PXN: variants seen among roughly 807,000 people sequenced by gnomAD.
The protein encoded by PXN is paxillin.
A neutral mutation model predicts 103.6 loss-of-function variants in PXN; 61 were observed. The ratio of observed to expected loss-of-function variants is 0.59; its 90% CI spans 0.48 to 0.73. PXN has a LOEUF of 0.73. Among genes scored for constraint, PXN ranks in the 30% least tolerant of loss-of-function variants. The probability of loss-of-function intolerance (pLI) is 0.00; values close to 1 mark genes in which losing one functional copy is unlikely to be tolerated. For missense variants in PXN, 1,274 were observed against 1,460.3 expected (o/e 0.87, Z 2.08); for synonymous variants, 562 against 607.8 (o/e 0.92, Z 1.11).
chr12:120,254,762 G>A (rs934873040), intron 1 of PXN, among the ~76,000 whole-genome samples: 1 of 152,106 alleles, frequency 6.6e-6, no homozygotes, highest in South Asian at 2.1e-4. Context: ...TGTTGGCCAG[G>A]CTGGTCTTGA....
At chr12:120,243,917 C>A (rs576083398) in intron 1 of PXN, among the ~76,000 whole-genome samples, 1 of 152,176 alleles carries the variant, frequency 6.6e-6, no homozygotes, top group East Asian at 1.9e-4. Context: ...CGCCTATATT[C>A]ATCTTCATCT....
At chr12:120,264,698 G>A (rs1480549353) in intron 1 of PXN, among the ~76,000 whole-genome samples, 4 of 152,216 alleles carry the variant, frequency 2.6e-5, no homozygotes, top group Non-Finnish European at 5.9e-5. Context: ...GCCTGACGCA[G>A]AGAGGGTGGA....
chr12:120,264,192 T>A (rs565062265), intron 1 of PXN: 7 of 152,270 alleles, frequency 4.6e-5, no homozygotes, highest in Non-Finnish European at 4.4e-5. Flanking sequence ...GGCACCCTGA[T>A]CCCAAAAGGA....
chr12:120,218,595 C>T (rs1281689327), intron 7 of PXN, among the ~76,000 whole-genome samples: 4 of 152,140 alleles, frequency 2.6e-5, no homozygotes, highest in Non-Finnish European at 5.9e-5. Flanking sequence ...AGGCTGGCCT[C>T]GAACTCCCAA....
At chr12:120,249,813 G>C in intron 1 of PXN, 2 of 967,710 alleles carry the variant, frequency 2.1e-6, no homozygotes, top group Non-Finnish European at 2.5e-6. Context: ...GGACACAGCA[G>C]AAGAGGCCAT....
chr12:120,216,668 G>A lies in PXN; in HGVS notation c.1993-87C>T. 1.9e-6 allele frequency: 3 copies of A among 1,577,554 alleles called. No homozygotes were observed. Among genetic ancestry groups the A allele is most frequent in the Non-Finnish European group, 2.6e-6 (3 of 1,173,590 alleles). On this transcript the variant is annotated intron_variant, in intron 8 of 14. Coordinates refer to ENST00000637617, the MANE Select transcript of PXN (RefSeq NM_001385981.1). The surrounding 1 kb of genome is among the most constrained non-coding windows in gnomAD (Gnocchi z 5.1). ...GGCGGGACCTCCCCAGGCTCCCCCT[G>A]GGCCTTCCCACTCTGCACCAAGAGT...
rs1421617908 is a variant in PXN at position 120,265,652 on chromosome 12, C to G, written c.-23G>C. On this transcript the variant is annotated 5_prime_UTR_variant, in exon 1 of 15. Coordinates refer to ENST00000637617, the MANE Select transcript of PXN (RefSeq NM_001385981.1). This position sits in a 1 kb window ranked among gnomAD's most constrained non-coding sequence, Gnocchi z 5.7. ...CATGGCCGGACCACGGGCGCCGGCT[C>G]AGGGTCGCGCTAGCTGCCCGTCCCG... The G allele has an allele frequency of 2.1e-6, 3 of 1,463,090 alleles. No homozygotes were observed. The highest frequency in any genetic ancestry group is 2.7e-6 in the Non-Finnish European group (3 of 1,111,800). The allele number at this position is 1,463,090 out of a possible 1,614,324, so 90.6% of individuals were successfully genotyped here. A position where few individuals can be genotyped will look rare whatever the true frequency, so the allele number is the denominator to read the frequency against.
Position 120,216,975 on chromosome 12 carries a change from G to A in PXN, c.1858C>T (p.Arg620Trp), listed in dbSNP as rs557835020. Residue 620 changes from arginine (R) to tryptophan (W), a missense_variant, in exon 8 of 15, where the codon CGG becomes TGG. Physicochemically the swap from Arg to Trp is moderately radical, Grantham distance 101. Transcript: ENST00000637617. This position sits in a 1 kb window ranked among gnomAD's most constrained non-coding sequence, Gnocchi z 5.1. ...QEQLIAELQGRLGIQPEAEEP... is the reference protein window; with the variant it reads ...QEQLIAELQGWLGIQPEAEEP... ...TCTGCCTCAGGCTGGATGCCCAGCC[G>A]CCCCTGCAGCTCCGCGATGAGCTGT... 4.4e-5 allele frequency: 68 copies of A among 1,545,498 alleles called. No individual in the cohort carries two copies. Among genetic ancestry groups the A allele is most frequent in the Middle Eastern group, 3.3e-4 (2 of 5,984 alleles).
In PXN at chr12:120,221,696, T is replaced by C. The variant is rs1489538055; in HGVS notation, c.758A>G (p.Gln253Arg). The C allele has an allele frequency of 3.2e-6, 5 of 1,570,348 alleles. No homozygotes were observed. Among genetic ancestry groups the C allele is most frequent in the Non-Finnish European group, 4.3e-6 (5 of 1,158,098 alleles). Residue 253 changes from glutamine (Q) to arginine (R), a missense_variant, in exon 6 of 15, where the codon CAG becomes CGG. This residue lies in a region of PXN where 1,178 missense variants were observed against 1,309.0 expected (regional missense o/e 0.90). Coordinates refer to ENST00000637617, the MANE Select transcript of PXN (RefSeq NM_001385981.1). The surrounding 1 kb of genome is among the most constrained non-coding windows in gnomAD (Gnocchi z 6.6). ...SSPQRVTSTQ[Q>R]QTRISASSAT... Reference sequence around the variant, plus strand: ...AGAGGAGGCCGAGATGCGTGTCTGCTGTTGGGTGGAGGTGACGCGCTGCGG... The same window carrying C: ...AGAGGAGGCCGAGATGCGTGTCTGCCGTTGGGTGGAGGTGACGCGCTGCGG...
rs768480788 is a variant in PXN, at chr12:120,214,797, C to T, written c.2748+28G>A. 1.9e-5 allele frequency: 31 copies of T among 1,611,950 alleles called. No individual in the cohort carries two copies. Among genetic ancestry groups the T allele is most frequent in the South Asian group, 4.4e-5 (4 of 90,994 alleles). On this transcript the variant is annotated intron_variant, in intron 12 of 14. Coordinates refer to ENST00000637617, the MANE Select transcript of PXN (RefSeq NM_001385981.1). The surrounding 1 kb of genome is among the most constrained non-coding windows in gnomAD (Gnocchi z 5.0). ...GCGGTGAAGCTGGAATGAGCGGAAG[C>T]GGGCGCGGTGCCGGATGAGGAACTC...
At chr12:120,227,595 GA>G (rs1887146159) in intron 1 of PXN, among the ~76,000 whole-genome samples, 1 of 152,196 alleles carries the variant, frequency 6.6e-6, no homozygotes, top group African/African-American at 2.4e-5. Context: ...GAGGGACAGA[GA>G]AAAACCCCAG....
intron 1 of PXN, chr12:120,226,429 C>A (rs1886895339): frequency 7.8e-7 from 1 of 1,289,036 alleles, no homozygotes; most frequent in Non-Finnish European, 1.0e-6. Flanking sequence ...TCACATCCCA[C>A]ACTGCCAAGG....
chr12:120,249,950 C>A (rs1247161095), intron 1 of PXN: 8 of 985,358 alleles, frequency 8.1e-6, no homozygotes, highest in Non-Finnish European at 9.6e-6. Context: ...CTGCTTGGGA[C>A]AGAGGACCTT....
At chr12:120,248,561 C>G (rs1891600268) in intron 1 of PXN, among the ~76,000 whole-genome samples, 1 of 151,286 alleles carries the variant, frequency 6.6e-6, no homozygotes, top group South Asian at 2.1e-4. Flanking sequence ...CCCTCTCTTC[C>G]CTCCTCCCCA....
chr12:120,224,157 G>C lies in PXN; in HGVS notation c.234C>G (p.His78Gln), dbSNP rs763464218. 1.3e-6 allele frequency: 2 copies of C among 1,576,508 alleles called. No individual in the cohort carries two copies. Among genetic ancestry groups the C allele is most frequent in the Admixed American group, 3.7e-5 (2 of 54,184 alleles). ...GCCACTGTCCCCGCCTCACCTGCTG[G>C]TGGATGAATCGGGAGCTGCTGGGCT... Reference protein sequence around the residue: ...QWQPSSSRFIHQQPQSSSPVY... With the variant: ...QWQPSSSRFIQQQPQSSSPVY... Residue 78 changes from histidine (H) to glutamine (Q), a missense_variant, in exon 2 of 15, where the codon CAC (histidine) becomes CAG (glutamine). Around this residue, in one of 2 missense-constraint regions of PXN, gnomAD observed 1,178 missense variants for 1,309.0 expected, o/e 0.90. Transcript: ENST00000637617. The surrounding 1 kb of genome is among the most constrained non-coding windows in gnomAD (Gnocchi z 5.0).
chr12:120,245,844 C>T (rs915442342), intron 1 of PXN, among the ~76,000 whole-genome samples: 1 of 137,370 alleles, frequency 7.3e-6, no homozygotes, highest in Non-Finnish European at 1.6e-5. Context: ...TGTGGACAAA[C>T]ATAAAAGGTG....
chr12:120,214,354 A>G lies in PXN; in HGVS notation c.2749-137T>C. 1 of 745,632 alleles carries G rather than the reference A, an allele frequency of 1.3e-6. No homozygotes were observed. The highest frequency in any genetic ancestry group is 2.3e-5 in the Admixed American group (1 of 44,384). The allele number at this position is 745,632 out of a possible 1,614,324, so 46.2% of individuals were successfully genotyped here. A position where few individuals can be genotyped will look rare whatever the true frequency, so the allele number is the denominator to read the frequency against. Reference sequence around the variant, plus strand: ...CACTCCCAAGATGGGGGTCTCTCCTAATTGTGCTGTGAATGCCTCTAAGAA... The same window carrying G: ...CACTCCCAAGATGGGGGTCTCTCCTGATTGTGCTGTGAATGCCTCTAAGAA... On this transcript the variant is annotated intron_variant, in intron 12 of 14. Transcript: ENST00000637617. The surrounding 1 kb of genome is among the most constrained non-coding windows in gnomAD (Gnocchi z 5.0).
Position 120,225,035 on chromosome 12 carries a change from C to G in PXN, c.14-658G>C. The G allele has an allele frequency of 3.9e-6, 1 of 256,664 alleles. No individual in the cohort carries two copies. Among genetic ancestry groups the G allele is most frequent in the Non-Finnish European group, 8.0e-6 (1 of 124,774 alleles). The allele number at this position is 256,664 out of a possible 1,614,324, so 15.9% of individuals were successfully genotyped here. A position where few individuals can be genotyped will look rare whatever the true frequency, so the allele number is the denominator to read the frequency against. On this transcript the variant is annotated intron_variant, in intron 1 of 14. Coordinates refer to ENST00000637617, the MANE Select transcript of PXN (RefSeq NM_001385981.1). This position sits in a 1 kb window ranked among gnomAD's most constrained non-coding sequence, Gnocchi z 4.4. Reference sequence around the variant, plus strand: ...AAGACTGCTCCATTGGCTGTTTCTGCGGAAGTCTGGCAAGCAGCCCGGCCC... The same window carrying G: ...AAGACTGCTCCATTGGCTGTTTCTGGGGAAGTCTGGCAAGCAGCCCGGCCC...
Position 120,214,365 on chromosome 12 carries a change from G to A in PXN, c.2749-148C>T. 1 of 709,252 alleles carries A rather than the reference G, an allele frequency of 1.4e-6. No individual in the cohort carries two copies. Among genetic ancestry groups the A allele is most frequent in the Non-Finnish European group, 2.4e-6 (1 of 415,438 alleles). 43.9% of individuals were successfully genotyped at this position (709,252 alleles called of 1,614,324 possible). A position where few individuals can be genotyped will look rare whatever the true frequency, so the allele number is the denominator to read the frequency against. ...TGGGGGTCTCTCCTAATTGTGCTGT[G>A]AATGCCTCTAAGAATTCAGAGTTAC... is the stretch of plus-strand genomic sequence containing the variant. On this transcript the variant is annotated intron_variant, in intron 12 of 14. Coordinates refer to ENST00000637617, the MANE Select transcript of PXN (RefSeq NM_001385981.1). This position sits in a 1 kb window ranked among gnomAD's most constrained non-coding sequence, Gnocchi z 5.0.
Sources: gnomAD v4.1 joint callset for allele counts (sites outside exome capture counted in the v4.1 genomes callset) on GRCh38, gnomAD v4.1.1 for gene constraint, gnomAD v4.1.1 regional missense constraint, Gnocchi (gnomAD v3.1) non-coding constraint, MANE v1.5 for transcripts, NCBI Gene and HGNC (gene_info 2026-07-23, HGNC 2026-07-21) for gene names.